C17orf99: variants seen among roughly 807,000 people sequenced by gnomAD.
The protein encoded by C17orf99 is protein IL-40.
A neutral mutation model predicts 22.6 loss-of-function variants in C17orf99; 18 were observed. The observed-to-expected ratio is 0.80, with a 90% CI of 0.55 to 1.18. The LOEUF is 1.18. Ranked by LOEUF, C17orf99 falls within the 50% of genes most tolerant of loss-of-function variation. The pLI, the probability that C17orf99 is intolerant of heterozygous loss-of-function variation, is 0.00. For synonymous variants in C17orf99, 147 were observed against 136.6 expected (o/e 1.08, Z -0.53); for missense variants, 328 against 342.7 (o/e 0.96, Z 0.34).
At chr17:78,160,757 T>C (rs1169349408) in intron 2 of C17orf99, 198 bp from the exon 3 acceptor site, 1 of 582,110 alleles carries the variant, frequency 1.7e-6, no homozygotes, top group East Asian at 2.9e-5. Context: ...CTAATTTTTG[T>C]ATTTTAGTAG....
intron 3 of C17orf99, among the ~76,000 whole-genome samples, chr17:78,162,273 CA>C (rs35349689): frequency 0.25 from 22,939 of 93,374 alleles, 2,131 homozygotes; most frequent in Non-Finnish European, 0.31. Context: ...AAGACTATCT[CA>C]AAAAAAAAAA....
chr17:78,150,324 T>C (rs1268753998), intron 2 of C17orf99, among the ~76,000 whole-genome samples: 1 of 152,116 alleles, frequency 6.6e-6, no homozygotes, highest in Non-Finnish European at 1.5e-5. Flanking sequence ...TCAAATTTTT[T>C]TGTAGCAATT....
chr17:78,153,041 G>A lies in C17orf99; in HGVS notation c.70+6130G>A, dbSNP rs151022216. 2.6e-3 allele frequency among the ~76,000 whole-genome samples: 394 copies of A among 151,522 alleles called. 2 individuals are homozygous for A. The highest frequency in any genetic ancestry group is 8.6e-3 in the African/African-American group (353 of 41,220). ...GGTTGCAGTGAATTGAGATCGTGCCGCTGCACTCAGGCCTGGGAGACAAAG... is the reference window on the plus strand; with the variant it reads ...GGTTGCAGTGAATTGAGATCGTGCCACTGCACTCAGGCCTGGGAGACAAAG... On this transcript the variant is annotated intron_variant, in intron 2 of 4. Coordinates refer to ENST00000340363, the MANE Select transcript of C17orf99 (RefSeq NM_001163075.2).
chr17:78,157,966 G>A, intron 2 of C17orf99: 1 of 1,223,406 alleles, frequency 8.2e-7, no homozygotes. Flanking sequence ...ATATCTGCCT[G>A]TCAACTCATA....
At chr17:78,156,839 C>T (rs192880670) in intron 2 of C17orf99, among the ~76,000 whole-genome samples, 29 of 152,034 alleles carry the variant, frequency 1.9e-4, no homozygotes, top group South Asian at 6.2e-4. Flanking sequence ...AGCTGATCTC[C>T]GAGGCTCAAG....
intron 3 of C17orf99, among the ~76,000 whole-genome samples, chr17:78,163,028 A>G (rs2075590025): frequency 6.6e-6 from 1 of 152,150 alleles, no homozygotes; most frequent in Admixed American, 6.5e-5. Flanking sequence ...CAAGTGATCC[A>G]CCTACCTAGG....
intron 4 of C17orf99, chr17:78,165,107 A>G: frequency 9.6e-7 from 1 of 1,045,946 alleles, no homozygotes; most frequent in Non-Finnish European, 1.2e-6. Context: ...CCCCTCTCCA[A>G]GGCCATGGCT....
chr17:78,164,872 A>G, intron 4 of C17orf99: 1 of 1,182,582 alleles, frequency 8.5e-7, no homozygotes, highest in Non-Finnish European at 1.1e-6. Flanking sequence ...TTACACATTC[A>G]AGGCGTTATC....
chr17:78,148,219 TAA>T (rs34982417), intron 2 of C17orf99, among the ~76,000 whole-genome samples: 1 of 140,660 alleles, frequency 7.1e-6, no homozygotes, highest in Non-Finnish European at 1.5e-5. Flanking sequence ...CCCCATCTCT[TAA>T]AAAAAAAAAA....
chr17:78,146,024 G>A (rs2075435299), upstream of C17orf99, among the ~76,000 whole-genome samples: 2 of 152,130 alleles, frequency 1.3e-5, no homozygotes, highest in African/African-American at 4.8e-5. This position sits in a 1 kb window ranked among gnomAD's most constrained non-coding sequence, Gnocchi z 5.2. Context: ...CTGACCTCAG[G>A]TGATCCGCCC....
chr17:78,154,674 C>G (rs1221213782), intron 2 of C17orf99, among the ~76,000 whole-genome samples: 1 of 151,932 alleles, frequency 6.6e-6, no homozygotes, highest in African/African-American at 2.4e-5. Flanking sequence ...GAAACCCTGT[C>G]TCTACTAAAA....
chr17:78,153,133 C>G (rs2075498248), intron 2 of C17orf99, among the ~76,000 whole-genome samples: 1 of 151,358 alleles, frequency 6.6e-6, no homozygotes, highest in Non-Finnish European at 1.5e-5. Flanking sequence ...TATTGGCAGG[C>G]TGATCCATAA....
chr17:78,154,003 G>A (rs138786647), intron 2 of C17orf99, among the ~76,000 whole-genome samples: 61 of 132,104 alleles, frequency 4.6e-4, no homozygotes, highest in Non-Finnish European at 7.2e-4. Flanking sequence ...TCCGCTCACT[G>A]CAGCCTCCAC....
Position 78,146,912 on chromosome 17 carries a change from GT to G in C17orf99, c.70+2del. The G allele has an allele frequency of 6.4e-7, 1 of 1,551,510 alleles. No homozygotes were observed. The highest frequency in any genetic ancestry group is 8.7e-7 in the Non-Finnish European group (1 of 1,146,810). On this transcript the variant is annotated splice_donor_variant, in intron 2 of 4. Coordinates refer to ENST00000340363, the MANE Select transcript of C17orf99 (RefSeq NM_001163075.2). LOFTEE classifies it high-confidence loss of function. The surrounding 1 kb of genome is among the most constrained non-coding windows in gnomAD (Gnocchi z 5.2). ...AGCTTCTCCAAGGCACGGGAGGAAG[GT>G]AAGTGGCATAGCCTGCTGCAGGGAG...
chr17:78,166,177 AGG>A lies in C17orf99; in HGVS notation c.*133_*134del, dbSNP rs1255388649. ...CCACAAAAAAAAAAAAAAAAAAAAA[AGG>A]GTAACTATGAGAGATGGTGGATATG... is the stretch of plus-strand genomic sequence containing the variant. On this transcript the variant is annotated 3_prime_UTR_variant, in exon 5 of 5. Coordinates refer to ENST00000340363, the MANE Select transcript of C17orf99 (RefSeq NM_001163075.2). 1 of 380,996 alleles carries A rather than the reference AGG, an allele frequency of 2.6e-6. No individual in the cohort carries two copies. Among genetic ancestry groups the A allele is most frequent in the Middle Eastern group, 6.8e-4 (1 of 1,466 alleles). The allele number at this position is 380,996 out of a possible 1,614,324, so 23.6% of individuals were successfully genotyped here. A position where few individuals can be genotyped will look rare whatever the true frequency, so the allele number is the denominator to read the frequency against.
At chr17:78,151,754 T>A (rs2075485491) in intron 2 of C17orf99, among the ~76,000 whole-genome samples, 1 of 152,190 alleles carries the variant, frequency 6.6e-6, no homozygotes, top group South Asian at 2.1e-4. Flanking sequence ...GATTTCCAAA[T>A]ATGTTCCCAT....
chr17:78,164,677 C>T, intron 4 of C17orf99: 1 of 1,423,694 alleles, frequency 7.0e-7, no homozygotes, highest in Non-Finnish European at 9.3e-7. Context: ...GAAATGGGTG[C>T]TCGATGCAGG....
chr17:78,148,263 C>T (rs2075451387), intron 2 of C17orf99, among the ~76,000 whole-genome samples: 1 of 151,686 alleles, frequency 6.6e-6, no homozygotes, highest in Admixed American at 6.6e-5. Context: ...TTACTGCAAC[C>T]TCTGCCTCCT....
At chr17:78,154,056 G>A (rs1303307738) in intron 2 of C17orf99, among the ~76,000 whole-genome samples, 1 of 150,542 alleles carries the variant, frequency 6.6e-6, no homozygotes, top group Non-Finnish European at 1.5e-5. Context: ...CTCCCGAGTA[G>A]CTGGGACTAC....
Sources: gnomAD v4.1 joint callset for allele counts (sites outside exome capture counted in the v4.1 genomes callset) on GRCh38, gnomAD v4.1.1 for gene constraint, Gnocchi (gnomAD v3.1) non-coding constraint, MANE v1.5 for transcripts, NCBI Gene and HGNC (gene_info 2026-07-23, HGNC 2026-07-21) for gene names.